PAG1: variants seen among roughly 807,000 people sequenced by gnomAD.
The protein encoded by PAG1 is phosphoprotein associated with glycosphingolipid-enriched microdomains 1.
A neutral mutation model predicts 31.7 loss-of-function variants in PAG1; 23 were observed. The ratio of observed to expected loss-of-function variants is 0.73; its 90% confidence interval spans 0.52 to 1.03. The LOEUF is 1.03. Among genes scored for constraint, PAG1 ranks in the 50% least tolerant of loss-of-function variants. PAG1 has a pLI of 0.00. For missense variants in PAG1, 473 were observed against 540.7 expected (o/e 0.87, Z 1.24); for synonymous variants, 214 against 210.3 (o/e 1.02, Z -0.15).
chr8:81,093,984 C>T (rs73692370), intron 1 of PAG1, among the ~76,000 whole-genome samples: 2,865 of 152,170 alleles, frequency 0.019, 85 homozygotes, highest in African/African-American at 0.065. Context: ...TGGGTTCATG[C>T]CAGAGACAGG....
At chr8:80,993,773 T>C (rs1490560612) in intron 3 of PAG1, among the ~76,000 whole-genome samples, 6 of 151,768 alleles carry the variant, frequency 4.0e-5, no homozygotes, top group African/African-American at 1.5e-4. Context: ...TCCTGGCTAA[T>C]ATTTTTATTT....
At chr8:81,011,557 A>G (rs111858815) in intron 3 of PAG1, among the ~76,000 whole-genome samples, 1 of 152,200 alleles carries the variant, frequency 6.6e-6, no homozygotes, top group Non-Finnish European at 1.5e-5. Context: ...AAAACGGACT[A>G]ATACATGCAC....
At chr8:80,991,035 G>A (rs1807535115) in intron 5 of PAG1, among the ~76,000 whole-genome samples, 1 of 152,154 alleles carries the variant, frequency 6.6e-6, no homozygotes, top group Admixed American at 6.5e-5. Context: ...GGAAGATGAA[G>A]GCAGAATTTG....
chr8:81,051,079 T>C (rs1038732536), intron 2 of PAG1, among the ~76,000 whole-genome samples: 2 of 152,240 alleles, frequency 1.3e-5, no homozygotes, highest in African/African-American at 4.8e-5. Flanking sequence ...AATTATTTCT[T>C]ATGCAGTGGG....
rs186956614 is a variant in PAG1 at position 81,100,080 on chromosome 8, C to A, written c.-234+11511G>T. ...ACTGATATTACATTTAGTCAGAGAA[C>A]AATCCCTTCCAGATATTCTCTTATA... On this transcript the variant is annotated intron_variant, in intron 1 of 8. Coordinates refer to ENST00000220597, the MANE Select transcript of PAG1 (RefSeq NM_018440.4). Among the ~76,000 whole-genome samples the A allele has an allele frequency of 1.8e-4, 28 of 152,318 alleles. No individual in the cohort carries two copies. In the East Asian group the frequency reaches 5.4e-3, roughly 29 times the overall value.
chr8:81,062,081 A>G (rs1453091881), intron 2 of PAG1, among the ~76,000 whole-genome samples: 1 of 152,254 alleles, frequency 6.6e-6, no homozygotes, highest in Admixed American at 6.5e-5. Context: ...AACAATTACA[A>G]TCCAGCCACT....
At chr8:81,100,715 G>A (rs1322241508) in intron 1 of PAG1, among the ~76,000 whole-genome samples, 1 of 152,212 alleles carries the variant, frequency 6.6e-6, no homozygotes, top group African/African-American at 2.4e-5. Context: ...AAAAGCATAC[G>A]ACTAGCAAAT....
intron 2 of PAG1, among the ~76,000 whole-genome samples, chr8:81,068,602 A>G (rs1809045879): frequency 6.6e-6 from 1 of 152,244 alleles, no homozygotes; most frequent in South Asian, 2.1e-4. Flanking sequence ...CATGAATTCT[A>G]TCTTCTTTAG....
chr8:81,001,653 G>A (rs1030298759), intron 3 of PAG1, among the ~76,000 whole-genome samples: 3 of 152,168 alleles, frequency 2.0e-5, no homozygotes, highest in Non-Finnish European at 2.9e-5. Context: ...CACAGACTGT[G>A]TGTCTGCCAG....
chr8:81,070,768 T>TAATTATG (rs1809079997), intron 1 of PAG1, among the ~76,000 whole-genome samples: 1 of 152,234 alleles, frequency 6.6e-6, no homozygotes, highest in Admixed American at 6.5e-5. Context: ...TAACATGGCT[T>TAATTATG]CTTATGCTTA....
intron 3 of PAG1, among the ~76,000 whole-genome samples, chr8:81,022,909 A>G (rs1424119539): frequency 6.6e-6 from 1 of 152,176 alleles, no homozygotes; most frequent in Non-Finnish European, 1.5e-5. Flanking sequence ...CCCTTCTGCA[A>G]CTGACCAGAC....
chr8:81,028,457 G>GGGTA (rs1808322752), intron 3 of PAG1, among the ~76,000 whole-genome samples: 1 of 152,198 alleles, frequency 6.6e-6, no homozygotes, highest in African/African-American at 2.4e-5. Flanking sequence ...CGTACAAAGG[G>GGGTA]CAATATCAAA....
At chr8:81,062,755 T>G (rs73279956) in intron 2 of PAG1, among the ~76,000 whole-genome samples, 2 of 152,044 alleles carry the variant, frequency 1.3e-5, no homozygotes, top group African/African-American at 4.8e-5. Flanking sequence ...CATAGTTCAC[T>G]GCAGCCACAA....
chr8:80,996,027 T>C (rs2130539870), intron 3 of PAG1, among the ~76,000 whole-genome samples: 1 of 152,394 alleles, frequency 6.6e-6, no homozygotes, highest in South Asian at 2.1e-4. Context: ...TCCCAAGTTC[T>C]TACTGTGGAC....
chr8:81,006,814 C>A (rs1807885277), intron 3 of PAG1, among the ~76,000 whole-genome samples: 1 of 152,170 alleles, frequency 6.6e-6, no homozygotes, highest in Non-Finnish European at 1.5e-5. Flanking sequence ...ATGTGGAACT[C>A]ACATTGTATG....
intron 2 of PAG1, among the ~76,000 whole-genome samples, chr8:81,036,291 T>C (rs1229494558): frequency 6.6e-6 from 1 of 152,228 alleles, no homozygotes; most frequent in Non-Finnish European, 1.5e-5. Flanking sequence ...CAGTGCTCTC[T>C]GGATATGCCT....
chr8:81,105,467 T>C (rs1809679487), intron 1 of PAG1, among the ~76,000 whole-genome samples: 1 of 152,088 alleles, frequency 6.6e-6, no homozygotes, highest in Admixed American at 6.5e-5. Flanking sequence ...CCTTAGAAGG[T>C]GCCAGGAAAA....
rs938844231 is a variant in PAG1, at chr8:80,993,728, C to A, written c.-80-421G>T. Among the ~76,000 whole-genome samples, 6 of 152,012 alleles carry A rather than the reference C, an allele frequency of 3.9e-5. No individual in the cohort carries two copies. In the South Asian group the frequency reaches 1.2e-3, roughly 32 times the overall value. The stretch of plus-strand genomic sequence containing the variant: ...ATCCTCTCCTGAACCACCCCCCTGC[C>A]CCCCACTGCTGGGACTACAGGCATG... On this transcript the variant is annotated intron_variant, in intron 3 of 8. Transcript: ENST00000220597.
chr8:81,102,188 T>C (rs547660732), intron 1 of PAG1, among the ~76,000 whole-genome samples: 1 of 152,260 alleles, frequency 6.6e-6, no homozygotes, highest in East Asian at 1.9e-4. Context: ...CATATTACTT[T>C]GTATTGTTAT....
Sources: allele counts gnomAD v4.1 joint callset (sites outside exome capture counted in the v4.1 genomes callset), GRCh38; gene constraint gnomAD v4.1.1; transcripts MANE v1.5; gene names NCBI Gene and HGNC (gene_info 2026-07-23, HGNC 2026-07-21).